Variants in APBB1IP observed in about 807,000 individuals in gnomAD.
APBB1IP encodes amyloid beta precursor protein binding family B member 1 interacting protein, also known as amyloid beta A4 precursor protein-binding family B member 1-interacting protein.
In APBB1IP, 27 loss-of-function variants were observed where a neutral mutation model predicts 64.9. That is an observed-to-expected ratio of 0.42 (90% CI 0.31 to 0.57). The LOEUF (loss-of-function observed/expected upper bound fraction) is 0.57, where lower values mean the gene tolerates loss of function less well. APBB1IP is among the 20% of genes least tolerant of loss of function. The probability of loss-of-function intolerance (pLI) is 0.20; values close to 1 mark genes in which losing one functional copy is unlikely to be tolerated. For missense variants in APBB1IP, 812 were observed against 845.5 expected (o/e 0.96, Z 0.49); for synonymous variants, 392 against 331.0 (o/e 1.18, Z -2.00).
intron 6 of APBB1IP, among the ~76,000 whole-genome samples, chr10:26,505,035 T>C (rs1836157355): frequency 6.6e-6 from 1 of 152,048 alleles, no homozygotes; most frequent in South Asian, 2.1e-4. Flanking sequence ...GGATTACAGG[T>C]GTGAGCCACC....
chr10:26,526,485 C>A (rs1836475314), intron 8 of APBB1IP, among the ~76,000 whole-genome samples: 1 of 150,490 alleles, frequency 6.6e-6, no homozygotes, highest in South Asian at 2.1e-4. Context: ...CTTTGGGAGG[C>A]CGAGGCAGGC....
intron 2 of APBB1IP, among the ~76,000 whole-genome samples, chr10:26,453,234 AT>A (rs1489202729): frequency 6.6e-6 from 1 of 152,208 alleles, no homozygotes; most frequent in Non-Finnish European, 1.5e-5. Flanking sequence ...GGTAGGACTT[AT>A]CTGAGTGGAG....
intron 9 of APBB1IP, 114 bp downstream of exon 9, chr10:26,533,639 T>TG (rs1379812199): frequency 3.6e-6 from 2 of 556,064 alleles, no homozygotes; most frequent in Non-Finnish European, 5.9e-6. Context: ...AATTTTAAGT[T>TG]GGGGTGTTAA....
chr10:26,497,367 C>T (rs1027653392), intron 4 of APBB1IP, among the ~76,000 whole-genome samples: 2 of 151,558 alleles, frequency 1.3e-5, no homozygotes, highest in East Asian at 2.0e-4. Context: ...CTGGCTAACA[C>T]GGTGAAACCC....
chr10:26,506,257 G>A (rs894662246), intron 6 of APBB1IP, among the ~76,000 whole-genome samples: 1 of 140,804 alleles, frequency 7.1e-6, no homozygotes, highest in Non-Finnish European at 1.6e-5. Flanking sequence ...GTGTGGGGGG[G>A]GGGGGTGGGG....
At chr10:26,511,301 G>A (rs1369129809) in intron 6 of APBB1IP, among the ~76,000 whole-genome samples, 3 of 151,786 alleles carry the variant, frequency 2.0e-5, no homozygotes, top group Admixed American at 1.3e-4. Flanking sequence ...CTGAGATCAC[G>A]CCACTGCACT....
At chr10:26,535,315 A>G (rs1213268905) in intron 9 of APBB1IP, among the ~76,000 whole-genome samples, 1 of 151,934 alleles carries the variant, frequency 6.6e-6, no homozygotes, top group Admixed American at 6.6e-5. Context: ...TATTCTTTTT[A>G]TTTTTACTTT....
intron 2 of APBB1IP, among the ~76,000 whole-genome samples, chr10:26,445,850 C>T (rs1488354990): frequency 6.6e-6 from 1 of 152,118 alleles, no homozygotes; most frequent in South Asian, 2.1e-4. Flanking sequence ...ATTTGGAGAG[C>T]TGAAAGTGGT....
intron 8 of APBB1IP, among the ~76,000 whole-genome samples, chr10:26,519,199 G>A (rs368828283): frequency 8.5e-5 from 13 of 152,270 alleles, no homozygotes; most frequent in African/African-American, 3.1e-4. Flanking sequence ...TCTGAGGCAG[G>A]AGAATCACTT....
At chr10:26,452,963 T>G (rs1278161047) in intron 2 of APBB1IP, among the ~76,000 whole-genome samples, 1 of 152,244 alleles carries the variant, frequency 6.6e-6, no homozygotes, top group African/African-American at 2.4e-5. Flanking sequence ...TAAGATATAC[T>G]ATCTTCATTT....
At chr10:26,474,374 G>C (rs1034567154) in intron 2 of APBB1IP, among the ~76,000 whole-genome samples, 2 of 152,124 alleles carry the variant, frequency 1.3e-5, no homozygotes, top group Non-Finnish European at 2.9e-5. Flanking sequence ...TCCCCTCTGG[G>C]CTCCTGGAAG....
At chr10:26,464,402 A>C (rs1835626269) in intron 2 of APBB1IP, among the ~76,000 whole-genome samples, 1 of 151,962 alleles carries the variant, frequency 6.6e-6, no homozygotes, top group African/African-American at 2.4e-5. Context: ...TGACAAATTT[A>C]TTTTATTTTA....
intron 2 of APBB1IP, among the ~76,000 whole-genome samples, chr10:26,452,435 G>C (rs1005215194): frequency 6.6e-6 from 1 of 152,170 alleles, no homozygotes; most frequent in Non-Finnish European, 1.5e-5. Context: ...TGGACATGGA[G>C]ACACCATCAC....
chr10:26,451,888 T>G (rs1262428033), intron 2 of APBB1IP, among the ~76,000 whole-genome samples: 6 of 152,170 alleles, frequency 3.9e-5, no homozygotes, highest in Admixed American at 6.5e-5. Flanking sequence ...AACAATCACT[T>G]GGCTTAAAAC....
intron 10 of APBB1IP, among the ~76,000 whole-genome samples, chr10:26,538,668 A>C (rs1451383038): frequency 6.6e-6 from 1 of 151,818 alleles, no homozygotes; most frequent in East Asian, 1.9e-4. Context: ...GTAGAAGATA[A>C]AGAAAAGAAA....
intron 2 of APBB1IP, among the ~76,000 whole-genome samples, chr10:26,455,624 T>C (rs540954499): frequency 5.5e-4 from 83 of 152,292 alleles, no homozygotes; most frequent in African/African-American, 1.9e-3. Context: ...ATAAAATACA[T>C]ACACTTCCCG....
chr10:26,466,336 C>G lies in APBB1IP; in HGVS notation c.1-25991C>G, dbSNP rs530048906. 5.3e-5 allele frequency among the ~76,000 whole-genome samples: 8 copies of G among 152,236 alleles called. 1 individual carries two copies. In the South Asian group the frequency reaches 1.7e-3, roughly 32 times the overall value. The stretch of plus-strand genomic sequence containing the variant: ...CCACCACAGCCATCACAAGGCTGGT[C>G]AAGTTCAAGGCGATGGGACACAGAC... On this transcript the variant is annotated intron_variant, in intron 2 of 14. Transcript: ENST00000376236.
intron 2 of APBB1IP, among the ~76,000 whole-genome samples, chr10:26,463,002 G>A (rs959460296): frequency 6.6e-6 from 1 of 151,874 alleles, no homozygotes; most frequent in Non-Finnish European, 1.5e-5. Context: ...GCATTCTGTA[G>A]ATGAACATGG....
At chr10:26,548,161 A>G (rs1836789704) in intron 11 of APBB1IP, among the ~76,000 whole-genome samples, 1 of 151,920 alleles carries the variant, frequency 6.6e-6, no homozygotes, top group South Asian at 2.1e-4. Context: ...GCTTTTTTCT[A>G]TTTCTGTGTG....
Sources: allele counts gnomAD v4.1 joint callset (sites outside exome capture counted in the v4.1 genomes callset), GRCh38; gene constraint gnomAD v4.1.1; transcripts MANE v1.5; gene names NCBI Gene and HGNC (gene_info 2026-07-23, HGNC 2026-07-21).